The following CDKN2B-AS1 variants were observed in gnomAD, a reference collection of about 807,000 sequenced individuals.
CDKN2B-AS1 encodes the protein CDKN2B antisense RNA 1 (non-protein coding).
chr9:22,114,496 A>T lies in CDKN2B-AS1; in HGVS notation n.439-12607A>T, dbSNP rs10738609. Among the ~76,000 whole-genome samples, 580 of 152,152 alleles carry T rather than the reference A, an allele frequency of 3.8e-3. 1 individual carries two copies. Among genetic ancestry groups the T allele is most frequent in the Non-Finnish European group, 5.9e-3 (398 of 67,980 alleles). ...TGGCTACTATGTAAGACTCATCCCCATGAAGGAGAAAGGAGAGGAAGGCAA... is the reference window on the plus strand; with the variant it reads ...TGGCTACTATGTAAGACTCATCCCCTTGAAGGAGAAAGGAGAGGAAGGCAA... On this transcript the variant is annotated intron_variant and non_coding_transcript_variant, in intron 4 of 4. Coordinates refer to ENST00000650946, the Ensembl canonical transcript of CDKN2B-AS1.
At chr9:22,082,803 G>A (rs935473434) in intron 4 of CDKN2B-AS1, among the ~76,000 whole-genome samples, 2 of 152,174 alleles carry the variant, frequency 1.3e-5, no homozygotes, top group African/African-American at 4.8e-5. Flanking sequence ...TCAGACATGG[G>A]CAGGGGATAA....
chr9:22,041,837 G>A (rs1246988255), intron 1 of CDKN2B-AS1, among the ~76,000 whole-genome samples: 3 of 152,002 alleles, frequency 2.0e-5, no homozygotes, highest in African/African-American at 7.2e-5. Flanking sequence ...ATCACCAGAA[G>A]CAATAGGGAG....
At chr9:22,045,440 T>C (rs1823068256) in intron 1 of CDKN2B-AS1, among the ~76,000 whole-genome samples, 1 of 152,130 alleles carries the variant, frequency 6.6e-6, no homozygotes. Flanking sequence ...ACATCATCAC[T>C]ATAACCCTTA....
At chr9:22,060,574 TG>T (rs2131297612) in intron 4 of CDKN2B-AS1, among the ~76,000 whole-genome samples, 1 of 152,366 alleles carries the variant, frequency 6.6e-6, no homozygotes, top group Non-Finnish European at 1.5e-5. Flanking sequence ...TTCCAGTCCC[TG>T]CCTGTTACCC....
chr9:22,029,328 T>G, intron 1 of CDKN2B-AS1: 1 of 725,466 alleles, frequency 1.4e-6, no homozygotes. Context: ...CCTGATCATG[T>G]GTGGTCTGAA....
intron 1 of CDKN2B-AS1, chr9:22,012,423 G>A (rs545226): frequency 0.6 from 449,617 of 745,314 alleles, 139,563 homozygotes; most frequent in African/African-American, 0.89. Flanking sequence ...TAGAAATACA[G>A]CTGAAACAAG....
At chr9:22,010,834 C>A (rs1469696375) in intron 1 of CDKN2B-AS1, among the ~76,000 whole-genome samples, 4 of 152,148 alleles carry the variant, frequency 2.6e-5, no homozygotes, top group Admixed American at 2.6e-4. Flanking sequence ...AAAGTTAGGA[C>A]AAGATAGTCT....
At chr9:22,091,151 A>G (rs1825068999) in intron 4 of CDKN2B-AS1, among the ~76,000 whole-genome samples, 1 of 152,024 alleles carries the variant, frequency 6.6e-6, no homozygotes, top group Admixed American at 6.6e-5. Flanking sequence ...ATGTGGCATT[A>G]TTTCTGAGCG....
chr9:22,052,131 C>T (rs374843598), intron 3 of CDKN2B-AS1, among the ~76,000 whole-genome samples: 2 of 152,168 alleles, frequency 1.3e-5, no homozygotes, highest in East Asian at 1.9e-4. Flanking sequence ...CTTATTGCCT[C>T]TCTCACCAAA....
chr9:22,006,189 G>C lies in CDKN2B-AS1; in HGVS notation n.29+11028G>C. ...GAGAGTGGCAGGGTCTGCGCAGTTG[G>C]GCTCCGCGCCGTGGAGCAGCAGCAG... On this transcript the variant is annotated intron_variant and non_coding_transcript_variant, in intron 1 of 4. Coordinates refer to ENST00000650946, the Ensembl canonical transcript of CDKN2B-AS1. The surrounding 1 kb of genome is among the most constrained non-coding windows in gnomAD (Gnocchi z 6.4). 6.2e-7 allele frequency: 1 copy of C among 1,609,254 alleles called. No homozygotes were observed. Among genetic ancestry groups the C allele is most frequent in the Non-Finnish European group, 8.5e-7 (1 of 1,179,790 alleles).
At chr9:22,091,160 C>T (rs201197740) in intron 4 of CDKN2B-AS1, among the ~76,000 whole-genome samples, 16 of 152,158 alleles carry the variant, frequency 1.1e-4, no homozygotes, top group East Asian at 7.7e-4. Flanking sequence ...TATTTCTGAG[C>T]GCTTTGTTCT....
chr9:22,034,720 G>A (rs2151280), intron 1 of CDKN2B-AS1, among the ~76,000 whole-genome samples: 70,576 of 151,790 alleles, frequency 0.46, 17,533 homozygotes, highest in East Asian at 0.67. Context: ...AGCTTGTTTC[G>A]CTTTTGAGGG....
chr9:22,068,679 G>A (rs535137382), intron 4 of CDKN2B-AS1, among the ~76,000 whole-genome samples: 1 of 152,306 alleles, frequency 6.6e-6, no homozygotes, highest in African/African-American at 2.4e-5. Context: ...ATTACTGAAT[G>A]AGCTCCTTTA....
intron 4 of CDKN2B-AS1, among the ~76,000 whole-genome samples, chr9:22,125,144 A>G (rs891510422): frequency 1.3e-5 from 2 of 152,238 alleles, no homozygotes; most frequent in African/African-American, 2.4e-5. Context: ...AACCAATTTT[A>G]TTTGTTAGAT....
At chr9:22,117,004 G>C (rs967603911) in intron 4 of CDKN2B-AS1, among the ~76,000 whole-genome samples, 5 of 152,208 alleles carry the variant, frequency 3.3e-5, no homozygotes, top group Non-Finnish European at 5.9e-5. Context: ...GAAGCTGGGA[G>C]TGTTGAAAGA....
chr9:22,004,434 C>T (rs1286638361), intron 1 of CDKN2B-AS1: 1 of 232,164 alleles, frequency 4.3e-6, no homozygotes, highest in South Asian at 1.8e-4. Context: ...TTATGAATTG[C>T]TGGTATTGCT....
At chr9:22,061,469 A>G (rs1823815939) in intron 4 of CDKN2B-AS1, among the ~76,000 whole-genome samples, 1 of 152,196 alleles carries the variant, frequency 6.6e-6, no homozygotes, top group African/African-American at 2.4e-5. Context: ...TTTAAAAAGT[A>G]TATATTGGGC....
chr9:22,001,380 A>G lies in CDKN2B-AS1; in HGVS notation n.29+6219A>G, dbSNP rs1372886201. On this transcript the variant is annotated intron_variant and non_coding_transcript_variant, in intron 1 of 4. Transcript: ENST00000650946. This position sits in a 1 kb window ranked among gnomAD's most constrained non-coding sequence, Gnocchi z 4.2. ...AATAGGTGTTTGGGGTCCTTTGTAA[A>G]CTTCTAGTGTAATGTGAATAGCTGT... Among the ~76,000 whole-genome samples, 1 of 152,058 alleles carries G rather than the reference A, an allele frequency of 6.6e-6. No individual in the cohort carries two copies. Among genetic ancestry groups the G allele is most frequent in the African/African-American group, 2.4e-5 (1 of 41,428 alleles).
rs554847010 is a variant in CDKN2B-AS1 at position 22,027,099 on chromosome 9, T to C, written n.30-19652T>C. 2.0e-5 allele frequency among the ~76,000 whole-genome samples: 3 copies of C among 152,154 alleles called. No homozygotes were observed. In the East Asian group the frequency reaches 5.8e-4, roughly 29 times the overall value. On this transcript the variant is annotated intron_variant and non_coding_transcript_variant, in intron 1 of 4. Transcript: ENST00000650946. ...GGTGCTATATTTAGTCACCCCTTTC[T>C]TTCCGCCCTGTGAGAGTCACACACA... is the stretch of plus-strand genomic sequence containing the variant.
Sources: allele counts gnomAD v4.1 joint callset (sites outside exome capture counted in the v4.1 genomes callset), GRCh38; gene constraint gnomAD v4.1.1; non-coding constraint Gnocchi (gnomAD v3.1); transcripts MANE v1.5; gene names NCBI Gene and HGNC (gene_info 2026-07-23, HGNC 2026-07-21).